Variants in OR3A2 observed in about 807,000 individuals in gnomAD.
The protein encoded by OR3A2 is olfactory receptor 3A2.
For synonymous variants in OR3A2, 126 were observed against 159.3 expected, an observed-to-expected ratio of 0.79 and a Z score of 1.57; for missense variants, 318 against 392.8, an observed-to-expected ratio of 0.81 and a Z score of 1.61.
rs144573770 is a variant in OR3A2, at chr17:3,325,103, T to C, written c.-85+10930A>G. Among the ~76,000 whole-genome samples, 583 of 151,958 alleles carry C rather than the reference T, an allele frequency of 3.8e-3. 8 individuals carry two copies. The highest frequency in any genetic ancestry group is 0.013 in the African/African-American group (553 of 41,248). On this transcript the variant is annotated intron_variant, in intron 3 of 4. Transcript: ENST00000573491. The stretch of plus-strand genomic sequence containing the variant: ...TTATGATTTTGTTTTTTATATCTTA[T>C]GTTTTATACTTTCATATTCAAAATT...
intron 3 of OR3A2, among the ~76,000 whole-genome samples, chr17:3,332,629 C>T (rs1211566734): frequency 2.0e-5 from 3 of 152,214 alleles, no homozygotes; most frequent in African/African-American, 7.2e-5. Context: ...GAACCTGGTA[C>T]CTCAGATGGA....
intron 3 of OR3A2, among the ~76,000 whole-genome samples, chr17:3,299,991 T>C (rs926988968): frequency 3.9e-5 from 6 of 152,100 alleles, no homozygotes; most frequent in Non-Finnish European, 8.8e-5. Context: ...GGCTTTGTTA[T>C]TTGCTCCACT....
chr17:3,372,352 G>T (rs1442723701), intron 2 of OR3A2, among the ~76,000 whole-genome samples: 8 of 150,152 alleles, frequency 5.3e-5, no homozygotes, highest in Admixed American at 3.3e-4. Flanking sequence ...GGGCAGCCAG[G>T]CAGAGGGGCT....
At position 3,339,528 on chromosome 17, in the gene OR3A2, A is replaced by T. The variant is rs573648678; in HGVS notation, c.-178-3402T>A. Among the ~76,000 whole-genome samples the T allele has an allele frequency of 1.2e-4, 19 of 152,260 alleles. 1 individual carries two copies. The South Asian group carries it at 1.5e-3, about 12-fold the overall frequency. On this transcript the variant is annotated intron_variant, in intron 2 of 4. Coordinates refer to the OR3A2 transcript ENST00000573491. The stretch of plus-strand genomic sequence containing the variant: ...AAGGCCTTTTCTGCATCTATTGAGA[A>T]AATCATGTGGTTTTTGTCTTTGATT...
chr17:3,294,646 AATATCAATGATTAAAAAAATGG>A (rs2048905241), intron 3 of OR3A2, among the ~76,000 whole-genome samples: 1 of 152,220 alleles, frequency 6.6e-6, no homozygotes. Flanking sequence ...AGTATCACTG[AATATCAATGATTAAAAAAATGG>A]ATAGCCTAGT....
chr17:3,371,618 G>A (rs1359021375), intron 2 of OR3A2, among the ~76,000 whole-genome samples: 12 of 122,166 alleles, frequency 9.8e-5, no homozygotes, highest in Non-Finnish European at 1.5e-4. Context: ...GGGCAGAGGG[G>A]CTCCTCACTT....
chr17:3,342,218 T>G (rs531499345), intron 2 of OR3A2, among the ~76,000 whole-genome samples: 37 of 152,344 alleles, frequency 2.4e-4, no homozygotes, highest in Non-Finnish European at 4.7e-4. Context: ...AACACCCTCC[T>G]TTAGCTCAGA....
At chr17:3,292,445 G>A in intron 3 of OR3A2, 2 of 1,613,952 alleles carry the variant, frequency 1.2e-6, no homozygotes. Flanking sequence ...CCAGGATGCT[G>A]AGGTTGCCCC....
chr17:3,376,821 C>G (rs2049689107), intron 2 of OR3A2, among the ~76,000 whole-genome samples: 1 of 152,120 alleles, frequency 6.6e-6, no homozygotes, highest in Non-Finnish European at 1.5e-5. Flanking sequence ...CTGCTGGCTG[C>G]CTTTCCCAAG....
intron 2 of OR3A2, among the ~76,000 whole-genome samples, chr17:3,341,715 C>A (rs2049320552): frequency 6.6e-6 from 1 of 152,160 alleles, no homozygotes; most frequent in Admixed American, 6.5e-5. Flanking sequence ...TTCATTTCAA[C>A]CTTGGTGAAT....
Position 3,383,026 on chromosome 17 carries a change from AC to A in OR3A2, c.-179+777del, listed in dbSNP as rs545733244. ...AGAGCATTGTGTCCAACTCCTGTTA[AC>A]ATGGACAAAGCAGAGAGTGACCAGA... On this transcript the variant is annotated intron_variant, in intron 2 of 4. Coordinates refer to the OR3A2 transcript ENST00000573491. Among the ~76,000 whole-genome samples the A allele has an allele frequency of 1.4e-3, 211 of 152,346 alleles. 1 individual carries two copies. The Middle Eastern group carries it at 0.031, about 22-fold the overall frequency.
At chr17:3,276,282 A>C (rs949942757), downstream of OR3A2, among the ~76,000 whole-genome samples, 5 of 152,176 alleles carry the variant, frequency 3.3e-5, no homozygotes, top group African/African-American at 9.7e-5. Context: ...TCATTATGTA[A>C]AAGATTGTAT....
chr17:3,319,741 T>A (rs2049104165), intron 3 of OR3A2, among the ~76,000 whole-genome samples: 2 of 152,238 alleles, frequency 1.3e-5, no homozygotes. Context: ...TTTCATGGTG[T>A]ATATGTGCCA....
At chr17:3,336,317 A>T (rs1000105503) in intron 2 of OR3A2, among the ~76,000 whole-genome samples, 191 bp from the exon 2 acceptor site, 4 of 152,204 alleles carry the variant, frequency 2.6e-5, no homozygotes, top group African/African-American at 4.8e-5. Flanking sequence ...TTGAAAAGTT[A>T]TCTGGTTTAA....
exon 2 of OR3A2, chr17:3,277,791 A>T: frequency 1.5e-6 from 1 of 664,208 alleles, no homozygotes; most frequent in Non-Finnish European, 2.5e-6. Context: ...GTACTCTAAT[A>T]AGTATTTGTT....
intron 2 of OR3A2, among the ~76,000 whole-genome samples, chr17:3,366,987 T>C (rs552340649): frequency 3.3e-5 from 5 of 152,182 alleles, no homozygotes; most frequent in South Asian, 2.1e-4. Flanking sequence ...TTGAGACTGG[T>C]GTAGGCTAAT....
chr17:3,355,654 T>C (rs776006288), intron 2 of OR3A2, among the ~76,000 whole-genome samples: 4 of 151,416 alleles, frequency 2.6e-5, no homozygotes, highest in Non-Finnish European at 5.9e-5. Flanking sequence ...CTTTTTTGGT[T>C]TTCATTGGCA....
chr17:3,366,304 T>C (rs765204838), intron 2 of OR3A2, among the ~76,000 whole-genome samples: 9 of 152,308 alleles, frequency 5.9e-5, no homozygotes, highest in Middle Eastern at 3.4e-3. Flanking sequence ...TGCCCCATCC[T>C]AGCTAATCCC....
intron 3 of OR3A2, among the ~76,000 whole-genome samples, chr17:3,333,229 T>C (rs1036267590): frequency 2.6e-5 from 4 of 152,182 alleles, no homozygotes; most frequent in African/African-American, 9.6e-5. Flanking sequence ...CGCCCTGGTC[T>C]CCTGTAGTAC....
Sources: gnomAD v4.1 joint callset for allele counts (sites outside exome capture counted in the v4.1 genomes callset) on GRCh38, gnomAD v4.1.1 for gene constraint, MANE v1.5 for transcripts, NCBI Gene and HGNC (gene_info 2026-07-23, HGNC 2026-07-21) for gene names.